The following MMAB variants were observed in gnomAD, a reference collection of about 807,000 sequenced individuals.
MMAB encodes the protein metabolism of cobalamin associated B.
Under a neutral mutation model 30.6 loss-of-function variants are expected in MMAB, and 17 were observed. The ratio of observed to expected loss-of-function variants is 0.56; its 90% confidence interval spans 0.38 to 0.83. MMAB has a LOEUF of 0.83. Among genes scored for constraint, MMAB ranks in the 40% least tolerant of loss-of-function variants. The pLI, the probability that MMAB is intolerant of heterozygous loss-of-function variation, is 0.00. For missense variants in MMAB, 311 were observed against 331.6 expected, an observed-to-expected ratio of 0.94 and a Z score of 0.48; for synonymous variants, 134 against 138.6, an observed-to-expected ratio of 0.97 and a Z score of 0.23.
Position 109,573,366 on chromosome 12 carries a change from C to T in MMAB, c.115G>A (p.Gly39Ser), listed in dbSNP as rs1355023968. 1 of 1,613,204 alleles carries T rather than the reference C, an allele frequency of 6.2e-7. No individual in the cohort carries two copies. The change falls in exon 1 of 9, where the codon GGC becomes AGC. Residue 39 changes from glycine (G) to serine (S), a missense_variant. Physicochemically the swap from Gly to Ser is moderately conservative, Grantham distance 56 (BLOSUM62 0). Transcript: ENST00000545712. ...YPRFQSRGPQ[G>S]VEDGDRPQPS... ...ACTCACCTGTCCCCGTCTTCCACGC[C>T]CTGAGGGCCGCGGCTCTGGAAACGG...
rs886198506 is a variant in MMAB at position 109,561,515 on chromosome 12, A to G, written c.424T>C (p.Tyr142His). Residue 142 changes from tyrosine to histidine, a missense_variant and splice_region_variant, in exon 6 of 9, where the codon TAT becomes CAT. Tyr to His is a moderately conservative substitution (Grantham distance 83, BLOSUM62 2). Transcript: ENST00000545712. This position sits in a 1 kb window ranked among gnomAD's most constrained non-coding sequence, Gnocchi z 5.3. ...ATGGGCCCCGCCTTGAACGTGGTAT[A>G]CTCTGAGGAGCCAAGGAGCAGAGGG... Reference protein sequence around the residue: ...CSSAREAHLKYTTFKAGPILE... With the variant: ...CSSAREAHLKHTTFKAGPILE... 1.9e-6 allele frequency: 3 copies of G among 1,548,170 alleles called. No individual in the cohort carries two copies. Among genetic ancestry groups the G allele is most frequent in the African/African-American group, 1.4e-5 (1 of 72,936 alleles).
rs1884184717 is a variant in MMAB, at chr12:109,561,187, T to C, written c.520-83A>G. 1 of 1,595,418 alleles carries C rather than the reference T, an allele frequency of 6.3e-7. No individual in the cohort carries two copies. The highest frequency in any genetic ancestry group is 1.7e-5 in the Admixed American group (1 of 59,988). On this transcript the variant is annotated intron_variant, in intron 6 of 8. Coordinates refer to ENST00000545712, the MANE Select transcript of MMAB (RefSeq NM_052845.4). This position sits in a 1 kb window ranked among gnomAD's most constrained non-coding sequence, Gnocchi z 5.3. ...CAGGAGCTCCTCTGAAGTCCAGCCC[T>C]GCCCCCCAAACCGGGCAGTGTTCTG...
Position 109,555,288 on chromosome 12 carries a change from T to TG in MMAB, c.*1739_*1740insC. 10 of 375,880 alleles carry TG rather than the reference T, an allele frequency of 2.7e-5. No homozygotes were observed. The African/African-American group carries it at 3.2e-4, about 12-fold the overall frequency. The allele number at this position is 375,880 out of a possible 1,614,324, so 23.3% of individuals were successfully genotyped here. ...TGCGTTTTCAGGGTTTTTTTTTTTT[T>TG]TTTTTTTTTTTTGTGACGGAGTCTC... On this transcript the variant is annotated 3_prime_UTR_variant, in exon 9 of 9. Transcript: ENST00000545712.
In MMAB at chr12:109,554,194, T is replaced by C. The variant is rs1182963411; in HGVS notation, c.*2834A>G. On this transcript the variant is annotated 3_prime_UTR_variant, in exon 9 of 9. Transcript: ENST00000545712. The stretch of plus-strand genomic sequence containing the variant: ...CAGGACAACTTGGTTCCCCACCCAA[T>C]GCCTCCTTCCAGGGCTGCTATGGGG... 2.2e-6 allele frequency: 1 copy of C among 453,338 alleles called. No homozygotes were observed. Among genetic ancestry groups the C allele is most frequent in the African/African-American group, 2.0e-5 (1 of 49,984 alleles). The allele number at this position is 453,338 out of a possible 1,614,324, so 28.1% of individuals were successfully genotyped here.
intron 2 of MMAB, 38 bp downstream of exon 2, chr12:109,571,611 G>A (rs1566137809): frequency 6.4e-7 from 1 of 1,563,266 alleles, no homozygotes; most frequent in Non-Finnish European, 8.8e-7. Flanking sequence ...TGTATGCCAT[G>A]AGTATTTCTT....
chr12:109,567,207 A>T (rs188953161), intron 3 of MMAB: 3 of 380,038 alleles, frequency 7.9e-6, no homozygotes, highest in African/African-American at 2.1e-5. Context: ...AATAGCTAAC[A>T]TTATTTTTAC....
intron 4 of MMAB, chr12:109,564,731 T>G (rs972430951): frequency 3.0e-6 from 1 of 333,524 alleles, no homozygotes; most frequent in Non-Finnish European, 5.8e-6. Context: ...CAGGCAGGAG[T>G]GCAGTGGCAT....
intron 3 of MMAB, 189 bp downstream of exon 3, chr12:109,568,581 G>A (rs1593004126): frequency 4.5e-6 from 3 of 663,524 alleles, no homozygotes; most frequent in South Asian, 1.7e-5. Context: ...GGCAGGGCCA[G>A]AAGGGAAAGG....
In MMAB at chr12:109,562,059, T is replaced by C. The variant is rs11067271; in HGVS notation, c.349-207A>G. ...GGAGGTGGGGCCTGGTGGGAGGTGA[T>C]TGGATCATTGGGGTAGTTTTGAATG... On this transcript the variant is annotated intron_variant, in intron 4 of 8. Transcript: ENST00000545712. Among the ~76,000 whole-genome samples, 27,520 of 152,090 alleles carry C rather than the reference T, an allele frequency of 0.18. 2,704 individuals are homozygous for C. Among genetic ancestry groups the C allele is most frequent in the Middle Eastern group, 0.25 (74 of 292 alleles).
In MMAB at chr12:109,556,174, T is replaced by C. The variant is rs748731081; in HGVS notation, c.*854A>G. 1.3e-4 allele frequency: 57 copies of C among 453,790 alleles called. No individual in the cohort carries two copies. The East Asian group carries it at 3.5e-3, about 28-fold the overall frequency. 28.1% of individuals were successfully genotyped at this position (453,790 alleles called of 1,614,324 possible). ...GAAATAAATACAGCCGTGGCACCGA[T>C]CTCAGAGGCATAAGCCAGCCAAGTG... On this transcript the variant is annotated 3_prime_UTR_variant, in exon 9 of 9. Transcript: ENST00000545712.
chr12:109,558,726 G>C lies in MMAB; in HGVS notation c.644+370C>G, dbSNP rs943104005. 1.1e-4 allele frequency among the ~76,000 whole-genome samples: 16 copies of C among 151,990 alleles called. No individual in the cohort carries two copies. Among genetic ancestry groups the C allele is most frequent in the African/African-American group, 3.9e-4 (16 of 41,362 alleles). On this transcript the variant is annotated intron_variant, in intron 8 of 8. Transcript: ENST00000545712. The surrounding 1 kb of genome is among the most constrained non-coding windows in gnomAD (Gnocchi z 4.3). The stretch of plus-strand genomic sequence containing the variant: ...CGGGGACAGGAAACTGGCTGAGAGA[G>C]GGCCTGAAGCCTGGCTCCCTGGTCA...
At chr12:109,557,269 G>A (rs759414843) in intron 8 of MMAB, 133 bp from the exon 9 acceptor site, 6 of 722,586 alleles carry the variant, frequency 8.3e-6, no homozygotes, top group Admixed American at 6.0e-5. Flanking sequence ...CAGGGAGGGC[G>A]GGGGCCCAGC....
At chr12:109,565,771 G>A (rs1884399326) in intron 3 of MMAB, among the ~76,000 whole-genome samples, 1 of 152,216 alleles carries the variant, frequency 6.6e-6, no homozygotes, top group Non-Finnish European at 1.5e-5. Flanking sequence ...GGCTAGAGAG[G>A]CAGGGAGGGC....
Position 109,555,275 on chromosome 12 carries a change from G to A in MMAB, c.*1753C>T. 1 of 340,818 alleles carries A rather than the reference G, an allele frequency of 2.9e-6. No homozygotes were observed. Among genetic ancestry groups the A allele is most frequent in the South Asian group, 1.9e-5 (1 of 51,742 alleles). 21.1% of individuals were successfully genotyped at this position (340,818 alleles called of 1,614,324 possible). On this transcript the variant is annotated 3_prime_UTR_variant, in exon 9 of 9. Coordinates refer to ENST00000545712, the MANE Select transcript of MMAB (RefSeq NM_052845.4). ...GAGCCTTAGTGATTGCGTTTTCAGG[G>A]TTTTTTTTTTTTTTTTTTTTTTTTT...
chr12:109,559,050 T>A (rs1884094560), intron 8 of MMAB, 46 bp downstream of exon 8: 1 of 1,499,764 alleles, frequency 6.7e-7, no homozygotes, highest in Non-Finnish European at 9.3e-7. Context: ...TTCCCACAGA[T>A]GAGCCTCGGC....
chr12:109,568,898 A>C (rs1229926955), intron 2 of MMAB, 35 bp from the exon 3 acceptor site: 6 of 1,469,510 alleles, frequency 4.1e-6, no homozygotes, highest in African/African-American at 1.4e-5. Context: ...CCAAATTAAG[A>C]TTCTGTTTTC....
chr12:109,570,873 C>CAAAAAAAAA (rs111235348), intron 2 of MMAB, among the ~76,000 whole-genome samples: 5 of 92,378 alleles, frequency 5.4e-5, no homozygotes, highest in African/African-American at 2.0e-4. Flanking sequence ...AACCCTGTAT[C>CAAAAAAAAA]AAAAAAAAAA....
At position 109,553,754 on chromosome 12, in the gene MMAB, T is replaced by C. The variant is rs569922013; in HGVS notation, c.*3274A>G. The C allele has an allele frequency of 2.4e-6, 1 of 419,696 alleles. No homozygotes were observed. The highest frequency in any genetic ancestry group is 7.2e-5 in the East Asian group (1 of 13,902). 26.0% of individuals were successfully genotyped at this position (419,696 alleles called of 1,614,324 possible). A position where few individuals can be genotyped will look rare whatever the true frequency, so the allele number is the denominator to read the frequency against. ...ATGCGGAATTTATTATACAAAGAAT[T>C]TTATTCAATTAAACTTGAAATGCAT... is the stretch of plus-strand genomic sequence containing the variant. On this transcript the variant is annotated 3_prime_UTR_variant, in exon 9 of 9. Coordinates refer to ENST00000545712, the MANE Select transcript of MMAB (RefSeq NM_052845.4).
intron 3 of MMAB, among the ~76,000 whole-genome samples, chr12:109,566,262 C>T (rs572780193): frequency 1.5e-4 from 23 of 152,356 alleles, no homozygotes; most frequent in African/African-American, 5.1e-4. Flanking sequence ...ACCAACGAAT[C>T]GAGGTGGCAC....
Sources: gnomAD v4.1 joint callset for allele counts (sites outside exome capture counted in the v4.1 genomes callset) on GRCh38, gnomAD v4.1.1 for gene constraint, Gnocchi (gnomAD v3.1) non-coding constraint, MANE v1.5 for transcripts, NCBI Gene and HGNC (gene_info 2026-07-23, HGNC 2026-07-21) for gene names.